The following SLC3A1 variants were observed in gnomAD, a reference collection of about 807,000 sequenced individuals.
SLC3A1 encodes the protein solute carrier family 3 member 1.
In SLC3A1, 78 loss-of-function variants were observed where a neutral mutation model predicts 60.3. The observed-to-expected ratio is 1.29, with a 90% confidence interval of 1.08 to 1.56. The LOEUF (loss-of-function observed/expected upper bound fraction) is 1.56. SLC3A1 is among the 40% of genes most tolerant of loss of function. The pLI is 0.00. For missense variants in SLC3A1, 1,172 were observed against 858.9 expected (o/e 1.36, Z -4.56); for synonymous variants, 392 against 307.9 (o/e 1.27, Z -2.86).
At chr2:44,285,484 C>T (rs1671591812) in intron 3 of SLC3A1, 11 of 356,032 alleles carry the variant, frequency 3.1e-5, no homozygotes, top group South Asian at 1.8e-4. Flanking sequence ...CATTTCCAGA[C>T]AGAGGAGACC....
chr2:44,295,152 G>T (rs138954435), intron 4 of SLC3A1, among the ~76,000 whole-genome samples: 4 of 152,288 alleles, frequency 2.6e-5, no homozygotes, highest in Admixed American at 1.3e-4. Context: ...AAAAGGAAAG[G>T]CTTGGCTCAA....
chr2:44,288,666 A>G (rs1671670740), intron 4 of SLC3A1, among the ~76,000 whole-genome samples: 1 of 152,160 alleles, frequency 6.6e-6, no homozygotes, highest in African/African-American at 2.4e-5. Flanking sequence ...TTGTTATTGC[A>G]TATATTTTTT....
rs139092789 is a variant in SLC3A1, at chr2:44,299,838, T to G, written c.892-133T>G. On this transcript the variant is annotated intron_variant, in intron 4 of 9. Transcript: ENST00000260649. ...TTATGCTAAATAGATAAAAATAGAC[T>G]GTGAATACTGTGCTTGTTCTGTATG... 7.9e-5 allele frequency: 74 copies of G among 932,958 alleles called. No homozygotes were observed. The East Asian group carries it at 8.7e-4, about 11-fold the overall frequency. The allele number at this position is 932,958 out of a possible 1,614,324, so 57.8% of individuals were successfully genotyped here. A position where few individuals can be genotyped will look rare whatever the true frequency, so the allele number is the denominator to read the frequency against.
intron 1 of SLC3A1, 26 bp from the exon 2 acceptor site, chr2:44,280,690 T>C (rs1386413005): frequency 6.5e-7 from 1 of 1,541,688 alleles, no homozygotes; most frequent in African/African-American, 1.4e-5. Context: ...GTAGGGTTTA[T>C]TCATGACTTT....
At chr2:44,299,687 C>T (rs948894050) in intron 4 of SLC3A1, among the ~76,000 whole-genome samples, 20 of 152,160 alleles carry the variant, frequency 1.3e-4, no homozygotes, top group Non-Finnish European at 5.9e-5. Flanking sequence ...TTTTAGTAGA[C>T]TCTCTAAACT....
Position 44,320,689 on chromosome 2 carries a change from C to CT in SLC3A1, c.*50_*51insT. On this transcript the variant is annotated 3_prime_UTR_variant, in exon 10 of 10. Transcript: ENST00000260649. ...ACTGGCATTTCAGTGGGATTGTAAG[C>CT]ATTTGTAATAGCTTCATGTACAGCA... The CT allele has an allele frequency of 7.2e-7, 1 of 1,381,632 alleles. No individual in the cohort carries two copies. Among genetic ancestry groups the CT allele is most frequent in the Non-Finnish European group, 1.0e-6 (1 of 968,968 alleles). The allele number at this position is 1,381,632 out of a possible 1,614,324, so 85.6% of individuals were successfully genotyped here. A position where few individuals can be genotyped will look rare whatever the true frequency, so the allele number is the denominator to read the frequency against.
intron 1 of SLC3A1, among the ~76,000 whole-genome samples, chr2:44,279,579 A>G (rs113481006): frequency 6.6e-6 from 1 of 152,226 alleles, no homozygotes; most frequent in Non-Finnish European, 1.5e-5. Flanking sequence ...CAAAAGAAAT[A>G]CAATGGGAGC....
intron 3 of SLC3A1, among the ~76,000 whole-genome samples, chr2:44,283,124 C>T (rs1402870659): frequency 2.0e-5 from 3 of 152,184 alleles, no homozygotes. Flanking sequence ...CCTCCCTCCT[C>T]CAGTCCCTCC....
chr2:44,319,139 T>C (rs1672701286), intron 9 of SLC3A1: 1 of 152,578 alleles, frequency 6.6e-6, no homozygotes, highest in African/African-American at 2.4e-5. Context: ...AGAATAAACA[T>C]CTTTTTAAAC....
At position 44,286,113 on chromosome 2, in the gene SLC3A1, C is replaced by A. The variant is rs1423490468; in HGVS notation, c.847C>A (p.Pro283Thr). 6.2e-7 allele frequency: 1 copy of A among 1,613,860 alleles called. No individual in the cohort carries two copies. Among genetic ancestry groups the A allele is most frequent in the Admixed American group, 1.7e-5 (1 of 60,024 alleles). ...TTTTCATCAGTTTATGAAAGAGCAACCTGATTTAAATTTCCGCAATCCTGA... is the reference window on the plus strand; with the variant it reads ...TTTTCATCAGTTTATGAAAGAGCAAACTGATTTAAATTTCCGCAATCCTGA... ...CYFHQFMKEQ[P>T]DLNFRNPDVQ... Residue 283 changes from proline (P) to threonine (T), a missense_variant, in exon 4 of 10, where the codon CCT becomes ACT. Pro to Thr is a conservative substitution (Grantham distance 38, BLOSUM62 -1). Transcript: ENST00000260649.
chr2:44,321,824 T>C (rs1228947728), downstream of SLC3A1: 2 of 1,613,834 alleles, frequency 1.2e-6, no homozygotes, highest in Non-Finnish European at 1.7e-6. Flanking sequence ...CTTGATAACA[T>C]ACCTTTTTGT....
intron 9 of SLC3A1, chr2:44,314,986 C>T (rs1276059015): frequency 8.3e-6 from 1 of 120,814 alleles, no homozygotes; most frequent in Non-Finnish European, 1.6e-5. Context: ...GGCTAGAGTG[C>T]AATGGTGTGG....
chr2:44,313,940 G>A lies in SLC3A1; in HGVS notation c.1606G>A (p.Val536Met), dbSNP rs763429891. ...WLPTNSDYHT[V>M]NVDVQKTQPR... Reference sequence around the variant, plus strand: ...ACCTACCAATTCAGATTACCACACTGTGAATGTTGATGTAAGTATCAGTGA... The same window carrying A: ...ACCTACCAATTCAGATTACCACACTATGAATGTTGATGTAAGTATCAGTGA... Residue 536 changes from valine to methionine, a missense_variant, in exon 9 of 10, where the codon GTG becomes ATG. By Grantham distance (21) the Val-to-Met change is conservative. Transcript: ENST00000260649. The A allele has an allele frequency of 4.3e-6, 7 of 1,614,052 alleles. No homozygotes were observed. In the South Asian group the frequency reaches 6.6e-5, roughly 15 times the overall value.
intron 4 of SLC3A1, among the ~76,000 whole-genome samples, chr2:44,287,449 G>A (rs549669957): frequency 1.3e-5 from 2 of 152,044 alleles, no homozygotes; most frequent in African/African-American, 4.8e-5. Flanking sequence ...CAGAGTGTAG[G>A]GTTGCCAAAC....
At chr2:44,314,332 GATCA>G (rs200891105) in intron 9 of SLC3A1, 3 of 462,852 alleles carry the variant, frequency 6.5e-6, no homozygotes, top group African/African-American at 1.9e-5. Context: ...GCAGTAAGGA[GATCA>G]ATCAATCAAC....
At chr2:44,298,629 C>T (rs1454929737) in intron 4 of SLC3A1, among the ~76,000 whole-genome samples, 1 of 152,178 alleles carries the variant, frequency 6.6e-6, no homozygotes, top group African/African-American at 2.4e-5. Flanking sequence ...CCACTTGCCT[C>T]GGCCTCCCAA....
chr2:44,320,543 T>A lies in SLC3A1; in HGVS notation c.1962T>A (p.Asn654Lys), dbSNP rs745852156. 2.2e-5 allele frequency: 36 copies of A among 1,613,938 alleles called. No individual in the cohort carries two copies. The highest frequency in any genetic ancestry group is 3.1e-5 in the Non-Finnish European group (36 of 1,179,932). Residue 654 changes from asparagine (N) to lysine (K), a missense_variant, in exon 10 of 10, where the codon AAT (asparagine) becomes AAA (lysine). Transcript: ENST00000260649. ...TCATCTTTGAACACAACACGAAGAA[T>A]CTCCTTCATCGCCAAACAGCTTTCA... ...EGLIFEHNTK[N>K]LLHRQTAFRD... is the part of the protein sequence containing the mutation.
At chr2:44,309,682 C>G (rs7575725) in intron 7 of SLC3A1, among the ~76,000 whole-genome samples, 1,925 of 152,194 alleles carry the variant, frequency 0.013, 40 homozygotes, top group African/African-American at 0.044. Flanking sequence ...TCACTGCAAC[C>G]TCTGCCTCTG....
At chr2:44,302,396 C>T (rs1672037098) in intron 6 of SLC3A1, among the ~76,000 whole-genome samples, 1 of 152,152 alleles carries the variant, frequency 6.6e-6, no homozygotes, top group African/African-American at 2.4e-5. Flanking sequence ...ACATAGATCA[C>T]TCAACAGAAT....
Sources: gnomAD v4.1 joint callset for allele counts (sites outside exome capture counted in the v4.1 genomes callset) on GRCh38, gnomAD v4.1.1 for gene constraint, MANE v1.5 for transcripts, NCBI Gene and HGNC (gene_info 2026-07-23, HGNC 2026-07-21) for gene names.